IQSEC1: variants seen among roughly 807,000 people sequenced by gnomAD.
The protein encoded by IQSEC1 is IQ motif and Sec7 domain ArfGEF 1.
In IQSEC1, 31 loss-of-function variants were observed where a neutral mutation model predicts 91.0. That is an observed-to-expected ratio of 0.34 (90% confidence interval 0.26 to 0.46). The LOEUF is 0.46. Among genes scored for constraint, IQSEC1 ranks in the 20% least tolerant of loss-of-function variants. IQSEC1 has a pLI of 1.00. For missense variants in IQSEC1, 1,388 were observed against 1,575.6 expected, an observed-to-expected ratio of 0.88 and a Z score of 2.02; for synonymous variants, 699 against 662.6, an observed-to-expected ratio of 1.05 and a Z score of -0.84.
In IQSEC1 at chr3:12,913,536, G is replaced by A. The variant is rs762888901; in HGVS notation, c.2208C>T (p.His736=). Residue 736 remains histidine, a synonymous_variant, in exon 9 of 14, where the codon CAC becomes CAT. Coordinates refer to ENST00000613206, the MANE Select transcript of IQSEC1 (RefSeq NM_001134382.3). ...GCCGGCAGTAGCAGACCAACCGACGGTGGGGCAGAGAGAGCACCTGTGTGG... is the reference window on the plus strand; with the variant it reads ...GCCGGCAGTAGCAGACCAACCGACGATGGGGCAGAGAGAGCACCTGTGTGG... The part of the protein sequence containing the change: ...PGLGCVLSLP[H]RRLVCYCRLF... The A allele has an allele frequency of 1.7e-5, 28 of 1,605,150 alleles. No individual in the cohort carries two copies. Among genetic ancestry groups the A allele is most frequent in the Admixed American group, 1.3e-4 (8 of 59,656 alleles).
intron 1 of IQSEC1, among the ~76,000 whole-genome samples, chr3:13,220,021 G>C (rs987665216): frequency 6.6e-6 from 1 of 152,218 alleles, no homozygotes; most frequent in Non-Finnish European, 1.5e-5. Context: ...CCTGGGAACC[G>C]GGGTCTGTGC....
intron 1 of IQSEC1, among the ~76,000 whole-genome samples, chr3:13,271,193 C>A (rs911451425): frequency 6.6e-6 from 1 of 151,896 alleles, no homozygotes; most frequent in Non-Finnish European, 1.5e-5. Flanking sequence ...CTGGCTAACA[C>A]GGTGAAACCC....
At chr3:13,015,609 T>C (rs56125459) in intron 1 of IQSEC1, 2 of 985,220 alleles carry the variant, frequency 2.0e-6, no homozygotes, top group Non-Finnish European at 2.4e-6. Flanking sequence ...GAGGTGTCCC[T>C]GGAACCCCAG....
rs1480456147 is a variant in IQSEC1 at position 12,967,901 on chromosome 3, A to G, written c.24-26036T>C. The stretch of plus-strand genomic sequence containing the variant: ...GAAGAAGCACAGGGGGCGGGGGGTC[A>G]GGGGCGGGGCGTCAGGGGCGGGGCT... On this transcript the variant is annotated intron_variant, in intron 1 of 13. Transcript: ENST00000613206. This position sits in a 1 kb window ranked among gnomAD's most constrained non-coding sequence, Gnocchi z 5.9. Among the ~76,000 whole-genome samples, 3 of 4,594 alleles carry G rather than the reference A, an allele frequency of 6.5e-4. No individual in the cohort carries two copies. Among genetic ancestry groups the G allele is most frequent in the Non-Finnish European group, 1.2e-3 (3 of 2,540 alleles). The allele number at this position is 4,594 out of a possible 152,430, so 3.0% of individuals were successfully genotyped here.
chr3:12,967,475 G>T lies in IQSEC1; in HGVS notation c.24-25610C>A. On this transcript the variant is annotated intron_variant, in intron 1 of 13. Coordinates refer to ENST00000613206, the MANE Select transcript of IQSEC1 (RefSeq NM_001134382.3). The surrounding 1 kb of genome is among the most constrained non-coding windows in gnomAD (Gnocchi z 5.9). ...ATGGCGGCCGCAGTGGGAGCGGGCCGGGCCGGGAGCCGGGACCCAGGCCCA... is the reference window on the plus strand; with the variant it reads ...ATGGCGGCCGCAGTGGGAGCGGGCCTGGCCGGGAGCCGGGACCCAGGCCCA... 1 of 1,503,260 alleles carries T rather than the reference G, an allele frequency of 6.7e-7. No homozygotes were observed. The allele number at this position is 1,503,260 out of a possible 1,614,324, so 93.1% of individuals were successfully genotyped here. A position where few individuals can be genotyped will look rare whatever the true frequency, so the allele number is the denominator to read the frequency against.
chr3:13,148,202 G>C (rs937108215), intron 2 of IQSEC1, among the ~76,000 whole-genome samples: 1 of 152,044 alleles, frequency 6.6e-6, no homozygotes, highest in African/African-American at 2.4e-5. Flanking sequence ...TCTGTACTGG[G>C]GTGCTGATAA....
In IQSEC1 at chr3:12,922,310, G is replaced by A. The variant is rs563810486; in HGVS notation, c.1731-68C>T. 2 of 1,453,980 alleles carry A rather than the reference G, an allele frequency of 1.4e-6. No individual in the cohort carries two copies. The highest frequency in any genetic ancestry group is 2.9e-5 in the African/African-American group (2 of 69,432). The allele number at this position is 1,453,980 out of a possible 1,614,324, so 90.1% of individuals were successfully genotyped here. On this transcript the variant is annotated intron_variant, in intron 4 of 13. Coordinates refer to ENST00000613206, the MANE Select transcript of IQSEC1 (RefSeq NM_001134382.3). The surrounding 1 kb of genome is among the most constrained non-coding windows in gnomAD (Gnocchi z 5.1). ...GTGCGACACGCCCAGCCCACCCCCA[G>A]GTGGTGGTGCCTGAAGCCCTGGGAA...
chr3:13,016,186 C>T (rs112087772), intron 1 of IQSEC1, among the ~76,000 whole-genome samples: 2,941 of 152,322 alleles, frequency 0.019, 33 homozygotes, highest in Non-Finnish European at 0.025. Flanking sequence ...TCTGGAGAGC[C>T]GCCACCAGCC....
In IQSEC1 at chr3:13,053,383, G is replaced by A. The variant is rs1298392482; in HGVS notation, c.23+19609C>T. Among the ~76,000 whole-genome samples, 4 of 152,166 alleles carry A rather than the reference G, an allele frequency of 2.6e-5. No homozygotes were observed. In the East Asian group the frequency reaches 5.8e-4, roughly 22 times the overall value. ...CTGTCCGTTTTAAAAGAACCCATTCGCTGCTGTAAGAATTATTCCAGAACA... is the reference window on the plus strand; with the variant it reads ...CTGTCCGTTTTAAAAGAACCCATTCACTGCTGTAAGAATTATTCCAGAACA... On this transcript the variant is annotated intron_variant, in intron 1 of 13. Transcript: ENST00000613206.
At chr3:12,996,844 G>C (rs1029480172) in intron 1 of IQSEC1, among the ~76,000 whole-genome samples, 6 of 152,180 alleles carry the variant, frequency 3.9e-5, no homozygotes, top group Non-Finnish European at 5.9e-5. Flanking sequence ...ACACAACATG[G>C]TTGCCATTTT....
intron 1 of IQSEC1, among the ~76,000 whole-genome samples, chr3:13,025,837 C>CAGGGT (rs1446884873): frequency 6.6e-6 from 1 of 152,190 alleles, no homozygotes; most frequent in African/African-American, 2.4e-5. Flanking sequence ...CACAGGAGAC[C>CAGGGT]AGGGTGGGGT....
At chr3:13,200,292 C>T (rs555854239) in intron 1 of IQSEC1, among the ~76,000 whole-genome samples, 2 of 152,124 alleles carry the variant, frequency 1.3e-5, no homozygotes, top group South Asian at 2.1e-4. Flanking sequence ...TACTCCCCCC[C>T]CTTATCATTT....
At chr3:13,200,403 G>A (rs1354799468) in intron 1 of IQSEC1, among the ~76,000 whole-genome samples, 8 of 152,128 alleles carry the variant, frequency 5.3e-5, no homozygotes, top group Admixed American at 3.3e-4. Flanking sequence ...CGACTTGAGC[G>A]GCCTCTCCAG....
chr3:13,279,559 G>A (rs1159132852), intron 1 of IQSEC1, among the ~76,000 whole-genome samples: 1 of 152,220 alleles, frequency 6.6e-6, no homozygotes, highest in Non-Finnish European at 1.5e-5. Context: ...GGCAGTGCCA[G>A]GCTAACTGTT....
chr3:13,071,155 T>TTTG (rs1553563502), intron 1 of IQSEC1, among the ~76,000 whole-genome samples: 1 of 118,224 alleles, frequency 8.5e-6, no homozygotes, highest in African/African-American at 3.1e-5. Flanking sequence ...TTTTTTTTGT[T>TTTG]TTTTTTTTTT....
rs778314932 is a variant in IQSEC1, at chr3:12,902,760, G to A, written c.2805+13C>T. The A allele has an allele frequency of 2.1e-5, 33 of 1,599,832 alleles. 1 individual carries two copies. In the South Asian group the frequency reaches 2.1e-4, roughly 10 times the overall value. On this transcript the variant is annotated intron_variant, in intron 13 of 13. Coordinates refer to ENST00000613206, the MANE Select transcript of IQSEC1 (RefSeq NM_001134382.3). The stretch of plus-strand genomic sequence containing the variant: ...ACAGGACAGCCAGCTGGACAGAGGC[G>A]CTTCCTACTTACTTCCACATTGCTC...
chr3:13,083,094 C>G (rs1705674072), intron 2 of IQSEC1, among the ~76,000 whole-genome samples: 1 of 152,216 alleles, frequency 6.6e-6, no homozygotes, highest in Non-Finnish European at 1.5e-5. Context: ...GGAATGTGAG[C>G]CTGGTGGGGG....
chr3:13,185,833 T>C (rs1057207233), intron 1 of IQSEC1, among the ~76,000 whole-genome samples: 2 of 152,268 alleles, frequency 1.3e-5, no homozygotes, highest in South Asian at 2.1e-4. Context: ...AGAACTTCGG[T>C]GTGATCCATC....
intron 2 of IQSEC1, among the ~76,000 whole-genome samples, chr3:13,120,248 G>A (rs1706401633): frequency 6.6e-6 from 1 of 152,154 alleles, no homozygotes; most frequent in Admixed American, 6.5e-5. Flanking sequence ...TTACTTCTCT[G>A]GCTCCTCAGC....
Sources: gnomAD v4.1 joint callset for allele counts (sites outside exome capture counted in the v4.1 genomes callset) on GRCh38, gnomAD v4.1.1 for gene constraint, Gnocchi (gnomAD v3.1) non-coding constraint, MANE v1.5 for transcripts, NCBI Gene and HGNC (gene_info 2026-07-23, HGNC 2026-07-21) for gene names.